Variants in FTO observed in about 807,000 individuals in gnomAD.
FTO encodes FTO alpha-ketoglutarate dependent dioxygenase.
FTO carries 47 observed loss-of-function variants against 63.9 expected under a neutral mutation model. The ratio of observed to expected loss-of-function variants is 0.74; its 90% confidence interval spans 0.58 to 0.94. The LOEUF (loss-of-function observed/expected upper bound fraction) is 0.94, where lower values mean the gene tolerates loss of function less well. Among genes scored for constraint, FTO ranks in the 40% least tolerant of loss-of-function variants. The pLI is 0.00. For missense variants in FTO, 562 were observed against 618.1 expected (o/e 0.91, Z 0.96); for synonymous variants, 207 against 224.4 (o/e 0.92, Z 0.69).
intron 1 of FTO, among the ~76,000 whole-genome samples, chr16:53,797,599 A>G (rs1057437205): frequency 2.6e-5 from 4 of 151,990 alleles, no homozygotes; most frequent in African/African-American, 9.7e-5. Flanking sequence ...TTGTTGATGG[A>G]CATTTGGGTT....
chr16:53,906,419 C>T (rs771192098), intron 7 of FTO, among the ~76,000 whole-genome samples: 5 of 151,920 alleles, frequency 3.3e-5, no homozygotes, highest in Non-Finnish European at 5.9e-5. Flanking sequence ...CAGGAAGGCT[C>T]CCTCACTTTA....
intron 8 of FTO, among the ~76,000 whole-genome samples, chr16:54,051,125 G>A (rs891157940): frequency 5.3e-5 from 8 of 152,176 alleles, no homozygotes; most frequent in South Asian, 2.1e-4. Flanking sequence ...CTCTTCTCAA[G>A]AACAGCCCAG....
At chr16:53,969,163 C>A (rs1330503468) in intron 8 of FTO, among the ~76,000 whole-genome samples, 1 of 152,090 alleles carries the variant, frequency 6.6e-6, no homozygotes, top group East Asian at 1.9e-4. Context: ...TCTGGGGCAG[C>A]CTTGAAAGTC....
At chr16:53,872,696 C>A (rs760630069) in intron 4 of FTO, among the ~76,000 whole-genome samples, 10 of 152,124 alleles carry the variant, frequency 6.6e-5, no homozygotes, top group Non-Finnish European at 1.2e-4. Context: ...TCTTGCATTT[C>A]TTTTCTATGT....
At chr16:53,838,039 C>T (rs2079354478) in intron 3 of FTO, among the ~76,000 whole-genome samples, 1 of 152,138 alleles carries the variant, frequency 6.6e-6, no homozygotes, top group South Asian at 2.1e-4. Flanking sequence ...CATGCCATTT[C>T]CCTCCTAGAA....
chr16:53,710,557 G>A (rs560367330), intron 1 of FTO, among the ~76,000 whole-genome samples: 35 of 152,112 alleles, frequency 2.3e-4, no homozygotes, highest in Admixed American at 5.9e-4. Flanking sequence ...GCCACCGTGC[G>A]CAGCCCAGAT....
intron 1 of FTO, among the ~76,000 whole-genome samples, chr16:53,708,372 A>T (rs1036231863): frequency 6.6e-6 from 1 of 152,012 alleles, no homozygotes; most frequent in Non-Finnish European, 1.5e-5. Flanking sequence ...CTCAAAAAAA[A>T]AAAAAGAATT....
intron 8 of FTO, among the ~76,000 whole-genome samples, chr16:53,945,935 A>G (rs1178079243): frequency 6.6e-6 from 1 of 152,208 alleles, no homozygotes; most frequent in Non-Finnish European, 1.5e-5. Flanking sequence ...GTTTATATCT[A>G]GGAAACAATT....
chr16:53,887,534 G>A (rs879575962), intron 6 of FTO, among the ~76,000 whole-genome samples: 3 of 152,226 alleles, frequency 2.0e-5, no homozygotes, highest in East Asian at 1.9e-4. Context: ...TAGATTCATC[G>A]GAAGGAAAGT....
chr16:53,909,052 C>T (rs971496161), intron 7 of FTO, among the ~76,000 whole-genome samples: 1 of 147,604 alleles, frequency 6.8e-6, no homozygotes, highest in South Asian at 2.1e-4. Context: ...CATCCCATAT[C>T]CCTCTTGCTT....
At chr16:53,705,812 T>C (rs2075601918) in intron 1 of FTO, among the ~76,000 whole-genome samples, 1 of 152,260 alleles carries the variant, frequency 6.6e-6, no homozygotes, top group South Asian at 2.1e-4. Context: ...ATTTTTAAAG[T>C]ATTTCATTTA....
Position 54,067,041 on chromosome 16 carries a change from A to G in FTO, c.1365-44721A>G, listed in dbSNP as rs987071038. 2.0e-5 allele frequency among the ~76,000 whole-genome samples: 3 copies of G among 152,210 alleles called. No homozygotes were observed. In the East Asian group the frequency reaches 5.8e-4, roughly 29 times the overall value. On this transcript the variant is annotated intron_variant, in intron 8 of 8. Coordinates refer to ENST00000471389, the MANE Select transcript of FTO (RefSeq NM_001080432.3). ...TTCCCTCTCCTTAGGTTTGTAAATG[A>G]AAGTTCCTTTAGTACATTTAAAAGC...
At chr16:53,746,394 G>C (rs1199321469) in intron 1 of FTO, among the ~76,000 whole-genome samples, 1 of 152,134 alleles carries the variant, frequency 6.6e-6, no homozygotes, top group Non-Finnish European at 1.5e-5. Flanking sequence ...ACTTGAGCAA[G>C]ACAAAGACCT....
At chr16:54,019,184 T>G (rs1435676819) in intron 8 of FTO, among the ~76,000 whole-genome samples, 3 of 152,158 alleles carry the variant, frequency 2.0e-5, no homozygotes, top group African/African-American at 7.2e-5. Context: ...AGTGAGGAGA[T>G]CCTTCCTAGA....
chr16:53,808,920 T>C (rs1181879403), intron 1 of FTO, among the ~76,000 whole-genome samples: 1 of 152,250 alleles, frequency 6.6e-6, no homozygotes, highest in Admixed American at 6.5e-5. Flanking sequence ...TTACAGATAA[T>C]GTCTGTTGTA....
chr16:54,019,971 G>A (rs2084549952), intron 8 of FTO, among the ~76,000 whole-genome samples: 1 of 152,150 alleles, frequency 6.6e-6, no homozygotes, highest in East Asian at 1.9e-4. Flanking sequence ...TAGAGAAACA[G>A]CTGAAATTAC....
At chr16:53,929,191 C>T (rs1380800000) in intron 7 of FTO, among the ~76,000 whole-genome samples, 1 of 152,186 alleles carries the variant, frequency 6.6e-6, no homozygotes, top group Non-Finnish European at 1.5e-5. Context: ...AATCAAGGTA[C>T]AGAATGGTTC....
intron 1 of FTO, among the ~76,000 whole-genome samples, chr16:53,808,780 G>A (rs1048442875): frequency 1.7e-4 from 26 of 152,156 alleles, no homozygotes; most frequent in African/African-American, 6.3e-4. Context: ...GGACTATATC[G>A]GCCCAGAGCA....
chr16:53,844,432 A>T (rs1463992364), intron 4 of FTO, 134 bp downstream of exon 4: 1 of 732,502 alleles, frequency 1.4e-6, no homozygotes, highest in African/African-American at 1.8e-5. Context: ...TCTTTATAAG[A>T]ACATGTAACT....
Sources: allele counts gnomAD v4.1 joint callset (sites outside exome capture counted in the v4.1 genomes callset), GRCh38; gene constraint gnomAD v4.1.1; transcripts MANE v1.5; gene names NCBI Gene and HGNC (gene_info 2026-07-23, HGNC 2026-07-21).